The following SKAP1 variants were observed in gnomAD, a reference collection of about 807,000 sequenced individuals.
SKAP1 encodes src kinase associated phosphoprotein 1.
A neutral mutation model predicts 58.5 loss-of-function variants in SKAP1; 44 were observed. The observed-to-expected ratio is 0.75, with a 90% CI of 0.59 to 0.97. The LOEUF (loss-of-function observed/expected upper bound fraction) is 0.97. SKAP1 is among the 50% of genes least tolerant of loss of function. The pLI is 0.00. For missense variants in SKAP1, 390 were observed against 435.2 expected (o/e 0.90, Z 0.92); for synonymous variants, 127 against 149.7 (o/e 0.85, Z 1.11).
chr17:48,386,081 G>GT (rs2067272554), intron 2 of SKAP1, among the ~76,000 whole-genome samples: 1 of 152,062 alleles, frequency 6.6e-6, no homozygotes, highest in South Asian at 2.1e-4. Flanking sequence ...TGAAGAGATG[G>GT]ATGCCTTGGT....
At chr17:48,361,308 C>T (rs899947927) in intron 3 of SKAP1, among the ~76,000 whole-genome samples, 2 of 151,258 alleles carry the variant, frequency 1.3e-5, no homozygotes, top group African/African-American at 4.9e-5. Flanking sequence ...CAGGTTCAAG[C>T]GACTCTCCTG....
At chr17:48,411,606 G>GAAACCTGA (rs2067667356) in intron 1 of SKAP1, among the ~76,000 whole-genome samples, 1 of 152,058 alleles carries the variant, frequency 6.6e-6, no homozygotes, top group African/African-American at 2.4e-5. Context: ...TTACAATAGA[G>GAAACCTGA]AAACCTGACA....
intron 4 of SKAP1, among the ~76,000 whole-genome samples, chr17:48,311,523 G>A (rs1289012930): frequency 6.6e-6 from 1 of 152,206 alleles, no homozygotes; most frequent in African/African-American, 2.4e-5. Context: ...AAGGGATGTT[G>A]TAAATAGAAA....
At chr17:48,167,786 T>C (rs1427261984) in intron 10 of SKAP1, among the ~76,000 whole-genome samples, 3 of 152,138 alleles carry the variant, frequency 2.0e-5, no homozygotes, top group East Asian at 1.9e-4. Context: ...TTATTTGACA[T>C]AGCACATGCA....
intron 3 of SKAP1, among the ~76,000 whole-genome samples, chr17:48,363,263 G>C (rs998905434): frequency 6.6e-6 from 1 of 152,144 alleles, no homozygotes; most frequent in Non-Finnish European, 1.5e-5. Flanking sequence ...TAGAAGCACT[G>C]AGGCTGCAGC....
At chr17:48,324,338 C>T (rs562146918) in intron 4 of SKAP1, among the ~76,000 whole-genome samples, 25 of 152,168 alleles carry the variant, frequency 1.6e-4, no homozygotes, top group African/African-American at 6.0e-4. Flanking sequence ...ATTTATTAAA[C>T]CAATCCCATG....
intron 4 of SKAP1, among the ~76,000 whole-genome samples, chr17:48,329,873 G>A (rs943427360): frequency 6.6e-6 from 1 of 152,054 alleles, no homozygotes; most frequent in Non-Finnish European, 1.5e-5. Context: ...TCTGATACTC[G>A]AATTTCTTCA....
chr17:48,256,175 ATG>A (rs35261737), intron 4 of SKAP1, among the ~76,000 whole-genome samples: 52 of 149,734 alleles, frequency 3.5e-4, no homozygotes, highest in African/African-American at 4.2e-4. Context: ...GTTTACCAAA[ATG>A]TGTGTGTGTG....
At chr17:48,438,992 G>T in the SKAP1 span, among the ~76,000 whole-genome samples, 1 of 152,214 alleles carries the variant, frequency 6.6e-6, no homozygotes, top group Admixed American at 6.5e-5. Context: ...ACATCATAAA[G>T]AAGTCTTCAT....
intron 4 of SKAP1, among the ~76,000 whole-genome samples, chr17:48,318,342 C>G (rs142260329): frequency 1.3e-5 from 2 of 152,174 alleles, no homozygotes; most frequent in South Asian, 2.1e-4. Flanking sequence ...ATCTTATACC[C>G]AAAGCAGGAG....
At chr17:48,191,020 T>C (rs1390119115) in intron 4 of SKAP1, among the ~76,000 whole-genome samples, 2 of 152,230 alleles carry the variant, frequency 1.3e-5, no homozygotes, top group African/African-American at 4.8e-5. Context: ...TGCGAAAGAA[T>C]CTAAGAACTG....
intron 1 of SKAP1, 31 bp from the exon 2 acceptor site, chr17:48,396,816 A>G: frequency 1.3e-6 from 2 of 1,507,924 alleles, no homozygotes; most frequent in Non-Finnish European, 1.8e-6. Context: ...ATAAAACAGA[A>G]AAGATGTACT....
At chr17:48,329,225 GC>G (rs905155275) in intron 4 of SKAP1, among the ~76,000 whole-genome samples, 1 of 151,336 alleles carries the variant, frequency 6.6e-6, no homozygotes, top group Non-Finnish European at 1.5e-5. Context: ...GAAATTAGAT[GC>G]CCTTTGTCTT....
rs766023837 is a variant in SKAP1, at chr17:48,187,862, G to T, written c.423C>A (p.Tyr141Ter). 6.2e-7 allele frequency: 1 copy of T among 1,611,702 alleles called. No homozygotes were observed. The highest frequency in any genetic ancestry group is 2.2e-5 in the East Asian group (1 of 44,856). Residue 141 changes from tyrosine to a stop codon, truncating the protein, a stop_gained, in exon 6 of 13, where the codon TAC (tyrosine) becomes TAA (stop). Coordinates refer to ENST00000336915, the MANE Select transcript of SKAP1 (RefSeq NM_003726.4). LOFTEE classifies it high-confidence loss of function. ...RWCVVSRGLF[Y>*]YYANEKSKQP... Reference sequence around the variant, plus strand: ...ACTTACTCTTCTCATTAGCATAGTAGTAGAAGAGACCTCTGCTGACAACAC... The same window carrying T: ...ACTTACTCTTCTCATTAGCATAGTATTAGAAGAGACCTCTGCTGACAACAC...
At chr17:48,315,171 A>G (rs188330268) in intron 4 of SKAP1, among the ~76,000 whole-genome samples, 1 of 152,322 alleles carries the variant, frequency 6.6e-6, no homozygotes, top group Non-Finnish European at 1.5e-5. Flanking sequence ...AGAAGTAAAT[A>G]AAAAATTAGT....
At chr17:48,172,423 G>A (rs921464174) in intron 9 of SKAP1, among the ~76,000 whole-genome samples, 9 of 152,076 alleles carry the variant, frequency 5.9e-5, no homozygotes, top group African/African-American at 2.2e-4. Context: ...GATAAAATAG[G>A]AATTGGACCC....
intron 4 of SKAP1, among the ~76,000 whole-genome samples, chr17:48,251,543 C>T (rs1338979307): frequency 6.6e-6 from 1 of 152,112 alleles, no homozygotes; most frequent in African/African-American, 2.4e-5. Context: ...AAATGAATTG[C>T]TGTATTCATT....
chr17:48,285,555 C>T (rs2144052036), intron 4 of SKAP1, among the ~76,000 whole-genome samples: 1 of 150,044 alleles, frequency 6.7e-6, no homozygotes, highest in East Asian at 2.0e-4. Context: ...GCGGAGTTTG[C>T]AGTGAGCCAA....
intron 4 of SKAP1, among the ~76,000 whole-genome samples, chr17:48,281,535 A>G (rs935717036): frequency 2.6e-5 from 4 of 152,258 alleles, no homozygotes; most frequent in African/African-American, 9.6e-5. Context: ...TGTGCTTTAA[A>G]GAAAAACCTT....
Sources: allele counts gnomAD v4.1 joint callset (sites outside exome capture counted in the v4.1 genomes callset), GRCh38; gene constraint gnomAD v4.1.1; transcripts MANE v1.5; gene names NCBI Gene and HGNC (gene_info 2026-07-23, HGNC 2026-07-21).